SEM1: variants seen among roughly 807,000 people sequenced by gnomAD.
The protein encoded by SEM1 is SEM1 26S proteasome subunit.
In SEM1, 3 loss-of-function variants were observed where a neutral mutation model predicts 12.7. The observed-to-expected ratio is 0.24, with a 90% CI of 0.11 to 0.61. The LOEUF is 0.61. Among genes scored for constraint, SEM1 ranks in the 20% least tolerant of loss-of-function variants. The probability of loss-of-function intolerance (pLI) is 0.88; values close to 1 mark genes in which losing one functional copy is unlikely to be tolerated. For synonymous variants in SEM1, 30 were observed against 27.8 expected, an observed-to-expected ratio of 1.08 and a Z score of -0.25; for missense variants, 59 against 81.3, an observed-to-expected ratio of 0.73 and a Z score of 1.06.
At chr7:96,604,477 A>G (rs1057168299) in intron 2 of SEM1, among the ~76,000 whole-genome samples, 5 of 152,108 alleles carry the variant, frequency 3.3e-5, no homozygotes, top group Non-Finnish European at 7.4e-5. Context: ...GCCTATTTAT[A>G]TTTGTAGCCA....
chr7:96,666,637 A>ATT (rs201188530), intron 2 of SEM1, among the ~76,000 whole-genome samples: 1,968 of 134,510 alleles, frequency 0.015, 28 homozygotes, highest in East Asian at 0.04. Flanking sequence ...ATTGAATCCA[A>ATT]TTTTTTTTTT....
chr7:96,600,480 A>T (rs1332367506), intron 2 of SEM1, among the ~76,000 whole-genome samples: 1 of 152,176 alleles, frequency 6.6e-6, no homozygotes, highest in Non-Finnish European at 1.5e-5. Flanking sequence ...TATGCCAAGC[A>T]TTTGGCATTT....
chr7:96,557,799 G>A (rs1032355882), intron 2 of SEM1, among the ~76,000 whole-genome samples: 9 of 151,978 alleles, frequency 5.9e-5, no homozygotes, highest in South Asian at 2.1e-4. Context: ...CCTCGCTGCC[G>A]CCTTGCAGTT....
At chr7:96,655,546 C>A (rs1488292561) in intron 2 of SEM1, among the ~76,000 whole-genome samples, 1 of 151,392 alleles carries the variant, frequency 6.6e-6, no homozygotes, top group Non-Finnish European at 1.5e-5. Flanking sequence ...CTCCCAAAGT[C>A]CTGGCATTAC....
intron 2 of SEM1, among the ~76,000 whole-genome samples, chr7:96,521,911 G>A (rs1044257133): frequency 1.3e-5 from 2 of 152,068 alleles, no homozygotes; most frequent in African/African-American, 4.8e-5. Flanking sequence ...TGTCCAGATG[G>A]CCCTTACACT....
At chr7:96,618,464 T>A (rs1807787439), downstream of SEM1, among the ~76,000 whole-genome samples, 3 of 152,336 alleles carry the variant, frequency 2.0e-5, no homozygotes, top group South Asian at 6.2e-4. Flanking sequence ...CAATTATTTT[T>A]TGAAATAGAG....
chr7:96,589,798 T>TCAAA (rs1290675466), intron 2 of SEM1, among the ~76,000 whole-genome samples: 2 of 152,228 alleles, frequency 1.3e-5, no homozygotes, highest in Non-Finnish European at 2.9e-5. Context: ...CCCTTCTTCC[T>TCAAA]CAAACTGAGC....
At chr7:96,485,179 T>C (rs543156205) in intron 2 of SEM1, among the ~76,000 whole-genome samples, 1 of 152,188 alleles carries the variant, frequency 6.6e-6, no homozygotes, top group Non-Finnish European at 1.5e-5. Context: ...CTAGGCAAAA[T>C]TTTTTAAGTC....
chr7:96,551,981 T>C (rs1046640149), intron 2 of SEM1, among the ~76,000 whole-genome samples: 43 of 152,312 alleles, frequency 2.8e-4, no homozygotes, highest in African/African-American at 8.4e-4. Context: ...TAATTTGTTA[T>C]GGCAGTCACA....
chr7:96,691,983 A>G (rs1456928957), intron 2 of SEM1, among the ~76,000 whole-genome samples: 3 of 152,228 alleles, frequency 2.0e-5, no homozygotes, highest in African/African-American at 4.8e-5. Flanking sequence ...GGAGGCATCA[A>G]GATTTATATA....
At position 96,494,233 on chromosome 7, in the gene SEM1, A is replaced by G. The variant is rs760405885; in HGVS notation, c.12+2051T>C. On this transcript the variant is annotated intron_variant, in intron 1 of 3. Coordinates refer to the SEM1 transcript ENST00000356686. ...CGGGCCAGTGAATTTTCAAGGCAAA[A>G]TGCTACCCAGGTGAGTCTGTTTCTT... Among the ~76,000 whole-genome samples the G allele has an allele frequency of 3.9e-5, 6 of 152,164 alleles. 1 individual carries two copies. Among genetic ancestry groups the G allele is most frequent in the Non-Finnish European group, 8.8e-5 (6 of 68,030 alleles).
At chr7:96,650,979 G>C (rs1808961322) in intron 2 of SEM1, among the ~76,000 whole-genome samples, 1 of 152,144 alleles carries the variant, frequency 6.6e-6, no homozygotes, top group Admixed American at 6.5e-5. Context: ...GGACTAAGAG[G>C]AAAGCAGTTA....
chr7:96,697,166 T>C (rs1476360111), intron 1 of SEM1: 1 of 149,368 alleles, frequency 6.7e-6, no homozygotes, highest in Non-Finnish European at 1.5e-5. Context: ...AGATGTGTAC[T>C]GGTTTAAAAA....
chr7:96,542,808 G>A (rs1225316743), intron 2 of SEM1, among the ~76,000 whole-genome samples: 1 of 151,580 alleles, frequency 6.6e-6, no homozygotes, highest in African/African-American at 2.4e-5. Context: ...ATATATATCA[G>A]GATCTTCATA....
chr7:96,687,106 G>A (rs1789782392), downstream of SEM1, among the ~76,000 whole-genome samples: 3 of 152,174 alleles, frequency 2.0e-5, no homozygotes, highest in Non-Finnish European at 2.9e-5. Flanking sequence ...ACACCAGTTA[G>A]AATGGCAATC....
intron 2 of SEM1, among the ~76,000 whole-genome samples, chr7:96,628,560 CTGTT>C (rs938949152): frequency 3.9e-5 from 6 of 152,240 alleles, no homozygotes; most frequent in Admixed American, 6.5e-5. Context: ...CACTTTTTAA[CTGTT>C]TGTTGTTTGT....
At chr7:96,598,931 G>A (rs1369495089) in intron 2 of SEM1, among the ~76,000 whole-genome samples, 4 of 152,130 alleles carry the variant, frequency 2.6e-5, no homozygotes, top group African/African-American at 7.2e-5. Flanking sequence ...ATTGCACGAG[G>A]TTTGTGGATA....
At position 96,709,671 on chromosome 7, in the gene SEM1, C is replaced by T. The variant is rs1467052450; in HGVS notation, c.76+17G>A. 2 of 1,612,202 alleles carry T rather than the reference C, an allele frequency of 1.2e-6. No individual in the cohort carries two copies. Among genetic ancestry groups the T allele is most frequent in the East Asian group, 2.2e-5 (1 of 44,674 alleles). On this transcript the variant is annotated intron_variant, in intron 1 of 2. Coordinates refer to ENST00000248566, the MANE Select transcript of SEM1 (RefSeq NM_006304.2). ...GTCACCGTTCGCGCGACACAGAAAC[C>T]GGGGCCCAGCGGTTACCTTCGGCAG... is the stretch of plus-strand genomic sequence containing the variant.
chr7:96,685,353 GA>G (rs1303901743), downstream of SEM1, among the ~76,000 whole-genome samples: 1 of 151,890 alleles, frequency 6.6e-6, no homozygotes, highest in Non-Finnish European at 1.5e-5. Context: ...AATTATAGGG[GA>G]AAAAAGGGAG....
Sources: allele counts gnomAD v4.1 joint callset (sites outside exome capture counted in the v4.1 genomes callset), GRCh38; gene constraint gnomAD v4.1.1; transcripts MANE v1.5; gene names NCBI Gene and HGNC (gene_info 2026-07-23, HGNC 2026-07-21).